FBLN1: variants seen among roughly 807,000 people sequenced by gnomAD.
FBLN1 encodes the protein fibulin-1.
Under a neutral mutation model 89.7 loss-of-function variants are expected in FBLN1, and 34 were observed. The observed-to-expected ratio is 0.38, with a 90% CI of 0.29 to 0.50. The LOEUF is 0.50. Among genes scored for constraint, FBLN1 ranks in the 20% least tolerant of loss-of-function variants. The pLI, the probability that FBLN1 is intolerant of heterozygous loss-of-function variation, is 0.92. For synonymous variants in FBLN1, 393 were observed against 391.3 expected (o/e 1.00, Z -0.05); for missense variants, 777 against 988.1 (o/e 0.79, Z 2.86).
At position 45,503,036 on chromosome 22, in the gene FBLN1, C is replaced by T. The variant is rs2087967614; in HGVS notation, c.51C>T (p.Leu17=). The part of the protein sequence containing the change: ...SRRVPLPLLL[L]GGLALLAAGV... ...GGGTCCCGCTTCCGCTGCTGCTGCT[C>T]GGCGGCCTTGCGCTGCTGGCGGCCG... Residue 17 remains leucine (L), a synonymous_variant, in exon 1 of 17, where the codon CTC becomes CTT. Transcript: ENST00000327858. The T allele has an allele frequency of 4.0e-6, 5 of 1,254,120 alleles. No homozygotes were observed. Among genetic ancestry groups the T allele is most frequent in the African/African-American group, 1.6e-5 (1 of 64,360 alleles). 77.7% of individuals were successfully genotyped at this position (1,254,120 alleles called of 1,614,324 possible).
intron 2 of FBLN1, among the ~76,000 whole-genome samples, chr22:45,525,131 C>G (rs112765056): frequency 3.0e-5 from 4 of 134,032 alleles, no homozygotes; most frequent in South Asian, 2.3e-4. Context: ...GAAAGAAAAA[C>G]AGAGAGAAAG....
Position 45,576,879 on chromosome 22 carries a change from A to G in FBLN1, c.1841-98A>G. On this transcript the variant is annotated intron_variant, in intron 15 of 16. Coordinates refer to ENST00000327858, the MANE Select transcript of FBLN1 (RefSeq NM_006486.3). This position sits in a 1 kb window ranked among gnomAD's most constrained non-coding sequence, Gnocchi z 5.2. ...TTGTCTCATGAAAGGGCCCTGGGTT[A>G]GGTCTTCATTCCCCAAGGGTGAGTT... is the stretch of plus-strand genomic sequence containing the variant. 1 of 1,441,274 alleles carries G rather than the reference A, an allele frequency of 6.9e-7. No individual in the cohort carries two copies. The highest frequency in any genetic ancestry group is 9.6e-7 in the Non-Finnish European group (1 of 1,040,468). 89.3% of individuals were successfully genotyped at this position (1,441,274 alleles called of 1,614,324 possible). A position where few individuals can be genotyped will look rare whatever the true frequency, so the allele number is the denominator to read the frequency against.
chr22:45,516,926 C>T (rs1167237911), intron 1 of FBLN1, among the ~76,000 whole-genome samples: 1 of 152,220 alleles, frequency 6.6e-6, no homozygotes, highest in Non-Finnish European at 1.5e-5. Flanking sequence ...TGGCTGAGCC[C>T]TAGCTCATTC....
intron 2 of FBLN1, 119 bp from the exon 3 acceptor site, chr22:45,525,424 T>C: frequency 1.1e-6 from 1 of 897,698 alleles, no homozygotes; most frequent in Non-Finnish European, 1.8e-6. Context: ...TTTCTCTCTC[T>C]GTGTCTGTGG....
chr22:45,591,880 AG>A (rs1348053422), intron 16 of FBLN1, among the ~76,000 whole-genome samples: 2 of 116,850 alleles, frequency 1.7e-5, no homozygotes, highest in African/African-American at 6.0e-5. Context: ...TGCAGACAGG[AG>A]GGAGGAAGTG....
intron 2 of FBLN1, among the ~76,000 whole-genome samples, chr22:45,521,425 A>G (rs1015583236): frequency 1.3e-5 from 2 of 152,160 alleles, no homozygotes; most frequent in Non-Finnish European, 2.9e-5. Context: ...CCCAGTGGAC[A>G]CACAGGCCAG....
intron 14 of FBLN1, among the ~76,000 whole-genome samples, chr22:45,566,921 A>G (rs996981781): frequency 1.3e-5 from 2 of 152,244 alleles, no homozygotes; most frequent in Admixed American, 1.3e-4. Flanking sequence ...GCTAACACAT[A>G]GAGTGCTGAC....
Position 45,562,779 on chromosome 22 carries a change from G to C in FBLN1, c.1698-11732G>C. On this transcript the variant is annotated intron_variant, in intron 14 of 16. Coordinates refer to ENST00000327858, the MANE Select transcript of FBLN1 (RefSeq NM_006486.3). The surrounding 1 kb of genome is among the most constrained non-coding windows in gnomAD (Gnocchi z 7.8). ...CGCAGGTGAGTGAGGTGTGCCCTTC[G>C]TGTTGGCTGAATCGGCCAGAGGGGC... is the stretch of plus-strand genomic sequence containing the variant. 1 of 873,232 alleles carries C rather than the reference G, an allele frequency of 1.1e-6. No homozygotes were observed. Among genetic ancestry groups the C allele is most frequent in the Non-Finnish European group, 1.9e-6 (1 of 520,788 alleles). 54.1% of individuals were successfully genotyped at this position (873,232 alleles called of 1,614,324 possible). A position where few individuals can be genotyped will look rare whatever the true frequency, so the allele number is the denominator to read the frequency against.
At position 45,580,660 on chromosome 22, in the gene FBLN1, C is replaced by T. The variant is rs140433582; in HGVS notation, c.1972+3552C>T. Among the ~76,000 whole-genome samples, 26 of 152,360 alleles carry T rather than the reference C, an allele frequency of 1.7e-4. No homozygotes were observed. The highest frequency in any genetic ancestry group is 5.0e-4 in the African/African-American group (21 of 41,590). On this transcript the variant is annotated intron_variant, in intron 16 of 16. Coordinates refer to ENST00000327858, the MANE Select transcript of FBLN1 (RefSeq NM_006486.3). This position sits in a 1 kb window ranked among gnomAD's most constrained non-coding sequence, Gnocchi z 8.6. ...CCCGGTCTTCCCCAGACACCACACCCGCCCAGAGCCGGAGCCCAGGGTTGA... is the reference window on the plus strand; with the variant it reads ...CCCGGTCTTCCCCAGACACCACACCTGCCCAGAGCCGGAGCCCAGGGTTGA...
chr22:45,531,352 G>A lies in FBLN1; in HGVS notation c.544+28G>A. The stretch of plus-strand genomic sequence containing the variant: ...GAGACTCGGGCGTCTCCCATCAGTT[G>A]GTATTTAAACAAACCCCAAGGGGCC... On this transcript the variant is annotated intron_variant, in intron 5 of 16. Transcript: ENST00000327858. The surrounding 1 kb of genome is among the most constrained non-coding windows in gnomAD (Gnocchi z 4.9). The A allele has an allele frequency of 6.2e-7, 1 of 1,609,564 alleles. No homozygotes were observed. Among genetic ancestry groups the A allele is most frequent in the Non-Finnish European group, 8.5e-7 (1 of 1,176,120 alleles).
In FBLN1 at chr22:45,550,348, C is replaced by A; in HGVS notation, c.1574-144C>A. 9.2e-7 allele frequency: 1 copy of A among 1,082,796 alleles called. No individual in the cohort carries two copies. Among genetic ancestry groups the A allele is most frequent in the African/African-American group, 1.5e-5 (1 of 64,738 alleles). The allele number at this position is 1,082,796 out of a possible 1,614,324, so 67.1% of individuals were successfully genotyped here. A position where few individuals can be genotyped will look rare whatever the true frequency, so the allele number is the denominator to read the frequency against. On this transcript the variant is annotated intron_variant, in intron 13 of 16. Coordinates refer to ENST00000327858, the MANE Select transcript of FBLN1 (RefSeq NM_006486.3). The surrounding 1 kb of genome is among the most constrained non-coding windows in gnomAD (Gnocchi z 8.4). ...GTAAGAACTGGCACAGGACGCTGCT[C>A]TGAAGATCAGCCAGTGGAGGGCAGG...
At position 45,590,158 on chromosome 22, in the gene FBLN1, G is replaced by A. The variant is rs773374307; in HGVS notation, c.1973-10149G>A. On this transcript the variant is annotated intron_variant, in intron 16 of 16. Coordinates refer to ENST00000327858, the MANE Select transcript of FBLN1 (RefSeq NM_006486.3). This position sits in a 1 kb window ranked among gnomAD's most constrained non-coding sequence, Gnocchi z 4.1. ...GATAGAGAAGAGAGGGCTCTGCTCT[G>A]ACCTGCAGGCCTGGGGCTCAGGACC... 3.4e-4 allele frequency among the ~76,000 whole-genome samples: 52 copies of A among 152,218 alleles called. No individual in the cohort carries two copies. Among genetic ancestry groups the A allele is most frequent in the Non-Finnish European group, 6.2e-4 (42 of 68,030 alleles).
At chr22:45,521,718 C>T (rs1442936357) in intron 2 of FBLN1, among the ~76,000 whole-genome samples, 1 of 152,126 alleles carries the variant, frequency 6.6e-6, no homozygotes, top group Non-Finnish European at 1.5e-5. Flanking sequence ...GGACCCCGCC[C>T]CAGCCTCCCC....
chr22:45,503,116 C>T lies in FBLN1; in HGVS notation c.79+52C>T, dbSNP rs2146930139. 4 of 1,202,468 alleles carry T rather than the reference C, an allele frequency of 3.3e-6. No homozygotes were observed. The South Asian group carries it at 1.2e-4, about 36-fold the overall frequency. 74.5% of individuals were successfully genotyped at this position (1,202,468 alleles called of 1,614,324 possible). On this transcript the variant is annotated intron_variant, in intron 1 of 16. Transcript: ENST00000327858. The stretch of plus-strand genomic sequence containing the variant: ...CAGCTTAGGGTCCCGACCCCCTCGG[C>T]CTCGCGCTCCCTGCGAGTTTCGGAA...
chr22:45,573,164 T>A (rs962906905), intron 14 of FBLN1, among the ~76,000 whole-genome samples: 18 of 151,246 alleles, frequency 1.2e-4, no homozygotes, highest in Non-Finnish European at 2.4e-4. Context: ...AGGCGGAGGT[T>A]GCAGTGAGCT....
chr22:45,515,302 C>T (rs990052324), intron 1 of FBLN1, among the ~76,000 whole-genome samples: 7 of 152,202 alleles, frequency 4.6e-5, no homozygotes, highest in African/African-American at 1.7e-4. Context: ...TGCAGGAGCT[C>T]TCCCTTGGCT....
chr22:45,508,034 G>A (rs1360599328), intron 1 of FBLN1, among the ~76,000 whole-genome samples: 1 of 152,072 alleles, frequency 6.6e-6, no homozygotes, highest in Non-Finnish European at 1.5e-5. Context: ...CCCACAGCAC[G>A]GGGACTCGAG....
In FBLN1 at chr22:45,597,036, C is replaced by T. The variant is rs762234616; in HGVS notation, c.1973-3271C>T. 6.6e-6 allele frequency among the ~76,000 whole-genome samples: 1 copy of T among 151,518 alleles called. No individual in the cohort carries two copies. Among genetic ancestry groups the T allele is most frequent in the Non-Finnish European group, 1.5e-5 (1 of 67,934 alleles). On this transcript the variant is annotated intron_variant, in intron 16 of 16. Transcript: ENST00000327858. This position sits in a 1 kb window ranked among gnomAD's most constrained non-coding sequence, Gnocchi z 4.2. ...TTTTTTTTTGGGACAGGATCTTGCT[C>T]TGTCACCCAGGCTAGAATGCAGTGG...
At chr22:45,548,527 G>C (rs928989494) in intron 12 of FBLN1, 86 bp from the exon 13 acceptor site, 15 of 1,584,774 alleles carry the variant, frequency 9.5e-6, no homozygotes, top group Non-Finnish European at 1.3e-5. Flanking sequence ...CCGGGCCCCA[G>C]TGCAGCCCCC....
Sources: gnomAD v4.1 joint callset for allele counts (sites outside exome capture counted in the v4.1 genomes callset) on GRCh38, gnomAD v4.1.1 for gene constraint, Gnocchi (gnomAD v3.1) non-coding constraint, MANE v1.5 for transcripts, NCBI Gene and HGNC (gene_info 2026-07-23, HGNC 2026-07-21) for gene names.